The following XYLT1 variants were observed in gnomAD, a reference collection of about 807,000 sequenced individuals.
XYLT1 encodes xylosyltransferase 1, also known as beta-D-xylosyltransferase 1.
A neutral mutation model predicts 91.3 loss-of-function variants in XYLT1; 36 were observed. That is an observed-to-expected ratio of 0.39 (90% CI 0.30 to 0.52). The LOEUF (loss-of-function observed/expected upper bound fraction) is 0.52, where lower values mean the gene tolerates loss of function less well. Among genes scored for constraint, XYLT1 ranks in the 20% least tolerant of loss-of-function variants. The pLI, the probability that XYLT1 is intolerant of heterozygous loss-of-function variation, is 0.68. For missense variants in XYLT1, 1,242 were observed against 1,284.5 expected (o/e 0.97, Z 0.51); for synonymous variants, 588 against 532.0 (o/e 1.11, Z -1.45).
chr16:17,299,454 C>G (rs1446038905), intron 2 of XYLT1, among the ~76,000 whole-genome samples: 1 of 152,228 alleles, frequency 6.6e-6, no homozygotes, highest in Non-Finnish European at 1.5e-5. Context: ...CCAGAACAAA[C>G]TATTGCCAAA....
intron 2 of XYLT1, among the ~76,000 whole-genome samples, chr16:17,339,855 C>G (rs563813538): frequency 6.6e-6 from 1 of 151,758 alleles, no homozygotes; most frequent in African/African-American, 2.4e-5. Context: ...TCCCTCCTTC[C>G]GTCTTTTCTC....
intron 1 of XYLT1, among the ~76,000 whole-genome samples, chr16:17,362,065 G>A (rs2035390527): frequency 6.6e-6 from 1 of 152,146 alleles, no homozygotes; most frequent in Non-Finnish European, 1.5e-5. Flanking sequence ...TTGAAAGCCT[G>A]GATCTGATCC....
At chr16:17,335,655 T>C (rs932275360) in intron 2 of XYLT1, among the ~76,000 whole-genome samples, 12 of 151,162 alleles carry the variant, frequency 7.9e-5, no homozygotes, top group African/African-American at 2.9e-4. Context: ...GATAGCGTCA[T>C]TGCACTCTAG....
At chr16:17,137,120 A>C (rs1242810762) in intron 8 of XYLT1, among the ~76,000 whole-genome samples, 1 of 151,942 alleles carries the variant, frequency 6.6e-6, no homozygotes, top group Non-Finnish European at 1.5e-5. Flanking sequence ...CTGTGTGGGA[A>C]CCTTAAGGGG....
At chr16:17,234,232 A>T (rs1596438633) in intron 3 of XYLT1, among the ~76,000 whole-genome samples, 1 of 152,160 alleles carries the variant, frequency 6.6e-6, no homozygotes, top group Admixed American at 6.5e-5. Context: ...CCTGGATTCA[A>T]TTGCAGAAAG....
intron 1 of XYLT1, among the ~76,000 whole-genome samples, chr16:17,363,240 G>A (rs1048025244): frequency 2.0e-5 from 3 of 152,346 alleles, no homozygotes; most frequent in Middle Eastern, 3.4e-3. Context: ...GCAGGACAAA[G>A]ATGAATTATT....
Position 17,400,645 on chromosome 16 carries a change from A to G in XYLT1, c.364-42595T>C, listed in dbSNP as rs368660945. Among the ~76,000 whole-genome samples the G allele has an allele frequency of 2.7e-3, 260 of 97,372 alleles. 2 individuals are homozygous for G. Among genetic ancestry groups the G allele is most frequent in the African/African-American group, 9.7e-3 (225 of 23,222 alleles). 63.9% of individuals were successfully genotyped at this position (97,372 alleles called of 152,430 possible). The stretch of plus-strand genomic sequence containing the variant: ...GGAGGAAGGGAGGAAGGAAGGAAGG[A>G]AGGAAGGAAGGAAGGAAGGAAGGAA... On this transcript the variant is annotated intron_variant, in intron 1 of 11. Coordinates refer to ENST00000261381, the MANE Select transcript of XYLT1 (RefSeq NM_022166.4).
intron 2 of XYLT1, among the ~76,000 whole-genome samples, chr16:17,300,509 T>G (rs1172392256): frequency 7.5e-6 from 1 of 133,610 alleles, no homozygotes; most frequent in Non-Finnish European, 1.5e-5. Flanking sequence ...CAGTCTGGAG[T>G]GCAGCGGCAC....
rs74010717 is a variant in XYLT1 at position 17,150,808 on chromosome 16, G to A, written c.1370+8021C>T. Among the ~76,000 whole-genome samples the A allele has an allele frequency of 7.8e-3, 1,187 of 152,292 alleles. 12 individuals are homozygous for A. The highest frequency in any genetic ancestry group is 0.027 in the African/African-American group (1,121 of 41,546). ...TATGGGGGTAATGATAGAAAATAAA[G>A]AGACAGGGACTTAATTAGTGGAGAT... On this transcript the variant is annotated intron_variant, in intron 6 of 11. Coordinates refer to ENST00000261381, the MANE Select transcript of XYLT1 (RefSeq NM_022166.4).
At chr16:17,224,805 C>A (rs2033033999) in intron 3 of XYLT1, among the ~76,000 whole-genome samples, 1 of 152,176 alleles carries the variant, frequency 6.6e-6, no homozygotes, top group African/African-American at 2.4e-5. Context: ...GAGGCTCTCC[C>A]TAGATTTTAA....
chr16:17,239,935 C>T (rs2033320230), intron 3 of XYLT1, among the ~76,000 whole-genome samples: 1 of 152,248 alleles, frequency 6.6e-6, no homozygotes, highest in South Asian at 2.1e-4. Flanking sequence ...ATTCATCCCT[C>T]CATTTATCCA....
intron 2 of XYLT1, among the ~76,000 whole-genome samples, chr16:17,300,858 A>T (rs2034385105): frequency 6.6e-6 from 1 of 152,106 alleles, no homozygotes; most frequent in Non-Finnish European, 1.5e-5. Flanking sequence ...ACACAAAATA[A>T]CACGTACAGT....
At chr16:17,129,968 G>A (rs933268611) in intron 9 of XYLT1, among the ~76,000 whole-genome samples, 87 of 152,366 alleles carry the variant, frequency 5.7e-4, no homozygotes, top group African/African-American at 1.9e-3. Context: ...GAAAGTGGTA[G>A]AAGGGCTGTC....
intron 5 of XYLT1, among the ~76,000 whole-genome samples, chr16:17,177,315 G>A (rs776116054): frequency 2.0e-5 from 3 of 152,160 alleles, no homozygotes; most frequent in Non-Finnish European, 4.4e-5. Context: ...TGCTTGAGAC[G>A]TGGTTATGGG....
At chr16:17,224,707 C>T (rs1316514846) in intron 3 of XYLT1, among the ~76,000 whole-genome samples, 1 of 152,164 alleles carries the variant, frequency 6.6e-6, no homozygotes, top group African/African-American at 2.4e-5. Context: ...ATCCATTTTC[C>T]CCTCTGTTAT....
intron 6 of XYLT1, among the ~76,000 whole-genome samples, chr16:17,158,090 T>C (rs1005416844): frequency 5.3e-5 from 8 of 152,258 alleles, no homozygotes; most frequent in African/African-American, 1.9e-4. Flanking sequence ...CATCACGTGA[T>C]GTCACCTACA....
chr16:17,410,645 CTT>C (rs954524793), intron 1 of XYLT1, among the ~76,000 whole-genome samples: 12 of 92,984 alleles, frequency 1.3e-4, no homozygotes, highest in Non-Finnish European at 1.4e-4. Flanking sequence ...CCTGTCATTA[CTT>C]TTTTTTTTTT....
chr16:17,345,755 C>G (rs752088364), intron 2 of XYLT1, among the ~76,000 whole-genome samples: 1 of 152,202 alleles, frequency 6.6e-6, no homozygotes, highest in Non-Finnish European at 1.5e-5. Flanking sequence ...GTTAACCCAT[C>G]TGATCATCCC....
intron 2 of XYLT1, chr16:17,338,057 C>T (rs1419919976): frequency 4.1e-5 from 16 of 393,282 alleles, no homozygotes; most frequent in South Asian, 1.5e-4. Flanking sequence ...CGTGAGCCAC[C>T]GCACCCGGCC....
Sources: gnomAD v4.1 joint callset for allele counts (sites outside exome capture counted in the v4.1 genomes callset) on GRCh38, gnomAD v4.1.1 for gene constraint, MANE v1.5 for transcripts, NCBI Gene and HGNC (gene_info 2026-07-23, HGNC 2026-07-21) for gene names.